PCCA: variants seen among roughly 807,000 people sequenced by gnomAD.
The protein encoded by PCCA is propionyl-CoA carboxylase alpha chain, mitochondrial.
PCCA carries 74 observed loss-of-function variants against 101.3 expected under a neutral mutation model. That is an observed-to-expected ratio of 0.73 (90% CI 0.61 to 0.89). The LOEUF is 0.89. Among genes scored for constraint, PCCA ranks in the 40% least tolerant of loss-of-function variants. PCCA has a pLI of 0.00. For missense variants in PCCA, 891 were observed against 907.0 expected (o/e 0.98, Z 0.23); for synonymous variants, 294 against 313.6 (o/e 0.94, Z 0.66).
At chr13:100,412,335 T>G (rs940589603) in intron 19 of PCCA, among the ~76,000 whole-genome samples, 1 of 152,190 alleles carries the variant, frequency 6.6e-6, no homozygotes, top group Non-Finnish European at 1.5e-5. Context: ...ATAAAATGTA[T>G]TCTTTACTGC....
intron 2 of PCCA, among the ~76,000 whole-genome samples, chr13:100,104,089 T>G (rs1384438647): frequency 6.6e-6 from 1 of 152,194 alleles, no homozygotes; most frequent in African/African-American, 2.4e-5. Flanking sequence ...TTCATGGCAA[T>G]GAAGGCATCG....
chr13:100,476,864 C>CAGGGCAGTTGAATAAGGGGTAG (rs2083455341), intron 21 of PCCA, among the ~76,000 whole-genome samples: 1 of 152,126 alleles, frequency 6.6e-6, no homozygotes, highest in Non-Finnish European at 1.5e-5. Context: ...AGGGGTGGGG[C>CAGGGCAGTTGAATAAGGGGTAG]AGGGCAGTTG....
chr13:100,141,237 T>A (rs2051831879), intron 4 of PCCA, among the ~76,000 whole-genome samples: 1 of 152,192 alleles, frequency 6.6e-6, no homozygotes, highest in South Asian at 2.1e-4. Flanking sequence ...TTTCAAGCCA[T>A]CTCACAGATT....
intron 1 of PCCA, among the ~76,000 whole-genome samples, chr13:100,093,998 G>A (rs1249655748): frequency 6.6e-6 from 1 of 152,078 alleles, no homozygotes; most frequent in Non-Finnish European, 1.5e-5. Flanking sequence ...GGAGGCCGAG[G>A]CAGGCAGATC....
intron 8 of PCCA, among the ~76,000 whole-genome samples, chr13:100,247,521 T>A (rs1331674330): frequency 6.8e-6 from 1 of 147,682 alleles, no homozygotes; most frequent in Non-Finnish European, 1.5e-5. Flanking sequence ...CGGCCTTTTT[T>A]TTTTTTTTTT....
intron 7 of PCCA, among the ~76,000 whole-genome samples, chr13:100,212,210 T>G (rs1220452887): frequency 6.6e-6 from 1 of 152,232 alleles, no homozygotes; most frequent in Non-Finnish European, 1.5e-5. Context: ...ATTGGTACTA[T>G]AGCCCATGCA....
At chr13:100,442,969 A>T (rs1167133960) in intron 20 of PCCA, among the ~76,000 whole-genome samples, 1 of 152,178 alleles carries the variant, frequency 6.6e-6, no homozygotes, top group East Asian at 1.9e-4. Flanking sequence ...GAACCAGATC[A>T]TCTAGGGGCC....
intron 6 of PCCA, chr13:100,160,874 T>C (rs1445785244): frequency 1.3e-5 from 2 of 152,256 alleles, no homozygotes; most frequent in Non-Finnish European, 2.9e-5. Flanking sequence ...TTTAATCATA[T>C]TATCATACCT....
At chr13:100,213,155 T>C (rs1204363575) in intron 7 of PCCA, among the ~76,000 whole-genome samples, 1 of 152,230 alleles carries the variant, frequency 6.6e-6, no homozygotes, top group Non-Finnish European at 1.5e-5. Context: ...ACATTTAGGT[T>C]GCTTCCAAAT....
At chr13:100,133,851 T>C (rs72658503) in intron 4 of PCCA, among the ~76,000 whole-genome samples, 3,867 of 152,296 alleles carry the variant, frequency 0.025, 70 homozygotes, top group Non-Finnish European at 0.04. Flanking sequence ...GTGGAAGGAC[T>C]TGACTTGCTG....
chr13:100,179,448 T>TTTTA (rs1290640742), intron 6 of PCCA, among the ~76,000 whole-genome samples: 6 of 152,190 alleles, frequency 3.9e-5, no homozygotes, highest in Non-Finnish European at 7.3e-5. Context: ...CCTTCAATGC[T>TTTTA]GTCGTGATCT....
At chr13:100,105,550 C>T (rs997290791) in intron 2 of PCCA, among the ~76,000 whole-genome samples, 2 of 151,198 alleles carry the variant, frequency 1.3e-5, no homozygotes, top group East Asian at 3.9e-4. Context: ...GGCTATCAGC[C>T]AGGTGTGATG....
intron 6 of PCCA, among the ~76,000 whole-genome samples, chr13:100,188,103 G>A (rs776418471): frequency 2.0e-5 from 3 of 152,140 alleles, no homozygotes; most frequent in Non-Finnish European, 4.4e-5. Context: ...GACCACCCTG[G>A]CCAACATGGT....
chr13:100,105,521 G>A (rs181156529), intron 2 of PCCA, among the ~76,000 whole-genome samples: 26 of 152,038 alleles, frequency 1.7e-4, no homozygotes, highest in African/African-American at 5.5e-4. Context: ...CCTCATTAGC[G>A]TAATAACTGT....
chr13:100,527,303 T>C (rs781556818), intron 22 of PCCA: 2 of 474,954 alleles, frequency 4.2e-6, no homozygotes, highest in Admixed American at 4.7e-5. Flanking sequence ...CCAGGCAACC[T>C]CGAGTCTGTC....
intron 7 of PCCA, among the ~76,000 whole-genome samples, chr13:100,228,050 C>G (rs975373840): frequency 1.3e-5 from 2 of 151,850 alleles, no homozygotes; most frequent in Non-Finnish European, 2.9e-5. Flanking sequence ...GGGTCTTGCT[C>G]TTTCACCCAG....
At chr13:100,182,323 C>T (rs562937705) in intron 6 of PCCA, among the ~76,000 whole-genome samples, 33 of 152,186 alleles carry the variant, frequency 2.2e-4, no homozygotes, top group South Asian at 8.3e-4. Context: ...TCTCAAACTC[C>T]TGACCTCAGG....
At chr13:100,479,062 A>G (rs1234043493) in intron 21 of PCCA, among the ~76,000 whole-genome samples, 1 of 152,174 alleles carries the variant, frequency 6.6e-6, no homozygotes, top group Non-Finnish European at 1.5e-5. Context: ...TCTGACAGAT[A>G]ATCATCAGTC....
chr13:100,405,804 C>A (rs1016211684), intron 19 of PCCA, among the ~76,000 whole-genome samples: 2 of 120,938 alleles, frequency 1.7e-5, no homozygotes, highest in Non-Finnish European at 3.3e-5. Flanking sequence ...TGGAGTCTTG[C>A]TCTGTTGCCA....
Sources: allele counts gnomAD v4.1 joint callset (sites outside exome capture counted in the v4.1 genomes callset), GRCh38; gene constraint gnomAD v4.1.1; transcripts MANE v1.5; gene names NCBI Gene and HGNC (gene_info 2026-07-23, HGNC 2026-07-21).